The following MOB2 variants were observed in gnomAD, a reference collection of about 807,000 sequenced individuals.
MOB2 encodes MOB2 Mps One Binder homolog.
A neutral mutation model predicts 27.4 loss-of-function variants in MOB2; 14 were observed. That is an observed-to-expected ratio of 0.51 (90% confidence interval 0.34 to 0.80). The LOEUF (loss-of-function observed/expected upper bound fraction) is 0.80. Ranked by LOEUF, MOB2 falls within the 30% of genes least tolerant of loss-of-function variation. The pLI, the probability that MOB2 is intolerant of heterozygous loss-of-function variation, is 0.01. For synonymous variants in MOB2, 167 were observed against 151.8 expected, an observed-to-expected ratio of 1.10 and a Z score of -0.74; for missense variants, 304 against 354.6, an observed-to-expected ratio of 0.86 and a Z score of 1.15.
chr11:1,481,068 G>C (rs1847907900), intron 1 of MOB2, 183 bp from the exon 2 acceptor site: 1 of 740,450 alleles, frequency 1.4e-6, no homozygotes, highest in East Asian at 2.7e-5. Context: ...GCTCCGCAGA[G>C]GGGCCAGTGG....
rs11030150 is a variant in MOB2 at position 1,478,152 on chromosome 11, C to G, written c.365+2241G>C. On this transcript the variant is annotated intron_variant, in intron 3 of 4. Coordinates refer to ENST00000329957, the MANE Select transcript of MOB2 (RefSeq NM_001172223.3). The stretch of plus-strand genomic sequence containing the variant: ...ATAGCAGCTCTCTTGCCCACAGCCC[C>G]ACCGCCGCCAGGCCCCACAGCCGCC... 2.2e-4 allele frequency among the ~76,000 whole-genome samples: 34 copies of G among 152,258 alleles called. No individual in the cohort carries two copies. The East Asian group carries it at 6.4e-3, about 29-fold the overall frequency.
intron 3 of MOB2, among the ~76,000 whole-genome samples, chr11:1,479,951 G>C (rs932092700): frequency 1.3e-5 from 2 of 152,226 alleles, no homozygotes; most frequent in African/African-American, 2.4e-5. Context: ...CCAGGAGAGA[G>C]CTACCAGCAC....
chr11:1,483,733 T>A (rs1455023523), intron 1 of MOB2, among the ~76,000 whole-genome samples: 1 of 152,186 alleles, frequency 6.6e-6, no homozygotes, highest in Non-Finnish European at 1.5e-5. Flanking sequence ...ACCCTCCCCA[T>A]TCTCGCCAGT....
intron 1 of MOB2, 128 bp downstream of exon 1, chr11:1,486,318 CG>C: frequency 1.4e-6 from 1 of 702,052 alleles, no homozygotes; most frequent in Non-Finnish European, 2.4e-6. Flanking sequence ...GCACAGCCGC[CG>C]GCCACACTGG....
chr11:1,477,180 T>G (rs1847861136), intron 3 of MOB2, among the ~76,000 whole-genome samples: 1 of 151,590 alleles, frequency 6.6e-6, no homozygotes, highest in Admixed American at 6.6e-5. Context: ...ATCATGTGAT[T>G]TCTACACAGG....
chr11:1,478,205 C>T (rs540120251), intron 3 of MOB2, among the ~76,000 whole-genome samples: 5 of 152,302 alleles, frequency 3.3e-5, no homozygotes, highest in East Asian at 1.9e-4. Flanking sequence ...ACAGGCCCCA[C>T]GGCCGCCCTG....
At chr11:1,481,072 C>A in intron 1 of MOB2, 187 bp from the exon 2 acceptor site, 1 of 730,870 alleles carries the variant, frequency 1.4e-6, no homozygotes, top group East Asian at 2.7e-5. Flanking sequence ...CGCAGAGGGG[C>A]CAGTGGAGCT....
chr11:1,469,538 T>C lies in MOB2; in HGVS notation c.*634A>G. On this transcript the variant is annotated 3_prime_UTR_variant, in exon 5 of 5. Coordinates refer to ENST00000329957, the MANE Select transcript of MOB2 (RefSeq NM_001172223.3). ...CTCAGCCTTCCGCTGGTGCAGCATC[T>C]CCACGCAGGGCCTCAGCCCCGTCCT... 2.2e-6 allele frequency: 1 copy of C among 456,204 alleles called. No individual in the cohort carries two copies. Among genetic ancestry groups the C allele is most frequent in the Non-Finnish European group, 4.4e-6 (1 of 226,634 alleles). 28.3% of individuals were successfully genotyped at this position (456,204 alleles called of 1,614,324 possible).
intron 1 of MOB2, 170 bp from the exon 2 acceptor site, chr11:1,481,055 G>A: frequency 1.2e-6 from 1 of 811,056 alleles, no homozygotes. Flanking sequence ...CAACGGTGAG[G>A]CTGCTCCGCA....
chr11:1,485,707 G>A (rs561744861), intron 1 of MOB2, among the ~76,000 whole-genome samples: 1 of 151,750 alleles, frequency 6.6e-6, no homozygotes, highest in South Asian at 2.1e-4. Context: ...CCACTCCCCC[G>A]GCCCCTCATG....
rs571638705 is a variant in MOB2 at position 1,470,110 on chromosome 11, G to A, written c.*62C>T. 6.0e-5 allele frequency: 93 copies of A among 1,549,256 alleles called. No individual in the cohort carries two copies. In the African/African-American group the frequency reaches 9.2e-4, roughly 15 times the overall value. ...CCAGCACATGTGTGCACACGCAGAT[G>A]CAGGAGAGAACACACACCACCGTCT... On this transcript the variant is annotated 3_prime_UTR_variant, in exon 5 of 5. Coordinates refer to ENST00000329957, the MANE Select transcript of MOB2 (RefSeq NM_001172223.3).
Position 1,470,349 on chromosome 11 carries a change from G to A in MOB2, c.630C>T (p.Tyr210=), listed in dbSNP as rs10219175. The A allele has an allele frequency of 4.5e-4, 726 of 1,613,652 alleles. 5 individuals carry two copies. In the African/African-American group the frequency reaches 8.9e-3, roughly 20 times the overall value. The change falls in exon 5 of 5, where the codon TAC becomes TAT. Residue 210 remains tyrosine (Y), a synonymous_variant. Transcript: ENST00000329957. ...LELHGHLNTL[Y]VHFILFAREF... ...CCCGAGCAAAGAGGATGAAGTGGAC[G>A]TAGAGCGTGTTCAAGTGTCCGTGCA...
intron 1 of MOB2, among the ~76,000 whole-genome samples, chr11:1,482,364 GGCAGTT>G (rs1347911336): frequency 2.4e-4 from 36 of 152,348 alleles, no homozygotes; most frequent in South Asian, 8.3e-4. Context: ...CTGCCCTACT[GGCAGTT>G]CCTGCCCCCT....
At chr11:1,486,358 C>T in intron 1 of MOB2, 89 bp downstream of exon 1, 1 of 1,030,794 alleles carries the variant, frequency 9.7e-7, no homozygotes, top group Non-Finnish European at 1.4e-6. Context: ...AGTCCGCCGC[C>T]TCCCCACCCT....
intron 3 of MOB2, 171 bp from the exon 4 acceptor site, chr11:1,471,590 G>C: frequency 1.4e-6 from 1 of 728,058 alleles, no homozygotes; most frequent in Non-Finnish European, 2.2e-6. Context: ...CACTGTCTGC[G>C]GGGACCACAC....
chr11:1,470,524 C>A, intron 4 of MOB2, 36 bp from the exon 5 acceptor site: 1 of 1,589,114 alleles, frequency 6.3e-7, no homozygotes, highest in Non-Finnish European at 8.6e-7. Flanking sequence ...CTGCAGACAT[C>A]CCTTGGCCCC....
intron 3 of MOB2, among the ~76,000 whole-genome samples, chr11:1,474,734 G>A (rs573697696): frequency 6.6e-6 from 1 of 152,172 alleles, no homozygotes; most frequent in Non-Finnish European, 1.5e-5. Flanking sequence ...GTTTGTGTGG[G>A]GCTGTCTCCG....
chr11:1,470,350 T>G lies in MOB2; in HGVS notation c.629A>C (p.Tyr210Ser). ...LELHGHLNTL[Y>S]VHFILFAREF... ...CCGAGCAAAGAGGATGAAGTGGACG[T>G]AGAGCGTGTTCAAGTGTCCGTGCAG... The change falls in exon 5 of 5, where the codon TAC becomes TCC. Residue 210 changes from tyrosine (Y) to serine (S), a missense_variant. By Grantham distance (144) the Tyr-to-Ser change is moderately radical. Coordinates refer to ENST00000329957, the MANE Select transcript of MOB2 (RefSeq NM_001172223.3). 1 of 1,613,612 alleles carries G rather than the reference T, an allele frequency of 6.2e-7. No homozygotes were observed. Among genetic ancestry groups the G allele is most frequent in the Non-Finnish European group, 8.5e-7 (1 of 1,179,902 alleles).
In MOB2 at chr11:1,480,461, G is replaced by A; in HGVS notation, c.297C>T (p.Asn99=). 1 of 1,613,868 alleles carries A rather than the reference G, an allele frequency of 6.2e-7. No individual in the cohort carries two copies. Reference sequence around the variant, plus strand: ...ACTCGGAGATGGTGCTATACTGCAGGTTGATGTGGTGGAAAAACGTCGTGG... The same window carrying A: ...ACTCGGAGATGGTGCTATACTGCAGATTGATGTGGTGGAAAAACGTCGTGG... The part of the protein sequence containing the change: ...SNTTTFFHHI[N]LQYSTISEFC... The change falls in exon 3 of 5, where the codon AAC becomes AAT. Residue 99 remains asparagine (N), a synonymous_variant. Coordinates refer to ENST00000329957, the MANE Select transcript of MOB2 (RefSeq NM_001172223.3).
Sources: allele counts gnomAD v4.1 joint callset (sites outside exome capture counted in the v4.1 genomes callset), GRCh38; gene constraint gnomAD v4.1.1; transcripts MANE v1.5; gene names NCBI Gene and HGNC (gene_info 2026-07-23, HGNC 2026-07-21).